PLCL2: variants seen among roughly 807,000 people sequenced by gnomAD.
PLCL2 encodes phospholipase C like 2.
Under a neutral mutation model 79.6 loss-of-function variants are expected in PLCL2, and 4 were observed. That is an observed-to-expected ratio of 0.05 (90% CI 0.02 to 0.11). The LOEUF (loss-of-function observed/expected upper bound fraction) is 0.11. Among genes scored for constraint, PLCL2 ranks in the 10% least tolerant of loss-of-function variants. The probability of loss-of-function intolerance (pLI) is 1.00; values close to 1 mark genes in which losing one functional copy is unlikely to be tolerated. For synonymous variants in PLCL2, 484 were observed against 457.7 expected, an observed-to-expected ratio of 1.06 and a Z score of -0.73; for missense variants, 895 against 1,291.0, an observed-to-expected ratio of 0.69 and a Z score of 4.70.
intron 1 of PLCL2, among the ~76,000 whole-genome samples, chr3:16,937,430 G>A (rs961862401): frequency 2.0e-5 from 3 of 152,114 alleles, no homozygotes; most frequent in African/African-American, 7.2e-5. Flanking sequence ...TCAGGCAAAG[G>A]GTAGGAATCA....
chr3:17,054,159 T>G lies in PLCL2; in HGVS notation c.3094+11210T>G, dbSNP rs374449299. Among the ~76,000 whole-genome samples, 132 of 152,246 alleles carry G rather than the reference T, an allele frequency of 8.7e-4. 5 individuals carry two copies. The South Asian group carries it at 0.015, about 17-fold the overall frequency. On this transcript the variant is annotated intron_variant, in intron 4 of 5. Coordinates refer to ENST00000615277, the MANE Select transcript of PLCL2 (RefSeq NM_001144382.2). ...GCTTAGGAATTTCTTCTGCCAGATA[T>G]CCTAAATCATCACTCTCAAGTTCAA...
intron 4 of PLCL2, among the ~76,000 whole-genome samples, chr3:17,048,714 C>T (rs186238163): frequency 6.6e-4 from 100 of 152,280 alleles, no homozygotes; most frequent in Non-Finnish European, 1.1e-3. Flanking sequence ...CTGCTTAAAA[C>T]GCTGTGTGAT....
chr3:16,981,358 C>T (rs1012482797), intron 1 of PLCL2, among the ~76,000 whole-genome samples: 4 of 152,030 alleles, frequency 2.6e-5, no homozygotes, highest in African/African-American at 7.3e-5. Flanking sequence ...TCACAACATA[C>T]GTCAAAGGTT....
chr3:17,018,383 C>T (rs183999538), intron 3 of PLCL2, among the ~76,000 whole-genome samples: 18 of 152,160 alleles, frequency 1.2e-4, no homozygotes, highest in African/African-American at 2.9e-4. Context: ...TTAAATGAGG[C>T]GTCTTTGTCC....
intron 3 of PLCL2, among the ~76,000 whole-genome samples, chr3:17,038,018 G>A (rs912207595): frequency 1.3e-5 from 2 of 152,020 alleles, no homozygotes; most frequent in Non-Finnish European, 2.9e-5. Flanking sequence ...ATAGCACTCC[G>A]ATAAAAGGCA....
Position 17,001,214 on chromosome 3 carries a change from A to G in PLCL2, c.328-8460A>G, listed in dbSNP as rs1484143895. On this transcript the variant is annotated intron_variant, in intron 1 of 5. Transcript: ENST00000615277. ...GTTGGCCATTTGTATGTATTTTTTGAAAATGTCTATTTAGATAATTTGCCC... is the reference window on the plus strand; with the variant it reads ...GTTGGCCATTTGTATGTATTTTTTGGAAATGTCTATTTAGATAATTTGCCC... 2.0e-5 allele frequency among the ~76,000 whole-genome samples: 3 copies of G among 151,946 alleles called. No homozygotes were observed. In the East Asian group the frequency reaches 5.8e-4, roughly 29 times the overall value.
At chr3:17,084,642 GTCAT>G (rs2065198159) in intron 5 of PLCL2, among the ~76,000 whole-genome samples, 1 of 152,188 alleles carries the variant, frequency 6.6e-6, no homozygotes. Flanking sequence ...ATCAACTAAT[GTCAT>G]TCATCATATC....
At chr3:16,947,565 G>A (rs2124956317) in intron 1 of PLCL2, among the ~76,000 whole-genome samples, 1 of 152,304 alleles carries the variant, frequency 6.6e-6, no homozygotes, top group South Asian at 2.1e-4. Context: ...GGGTGGAAGT[G>A]TTTTAGAAAC....
At chr3:16,912,974 C>A (rs1575525593) in intron 1 of PLCL2, among the ~76,000 whole-genome samples, 1 of 152,146 alleles carries the variant, frequency 6.6e-6, no homozygotes, top group South Asian at 2.1e-4. Flanking sequence ...AATTAACCTC[C>A]CTTCCTTCTG....
At chr3:17,081,928 A>T (rs1184112193) in intron 5 of PLCL2, among the ~76,000 whole-genome samples, 1 of 152,224 alleles carries the variant, frequency 6.6e-6, no homozygotes, top group Non-Finnish European at 1.5e-5. Context: ...AGAATAAGTT[A>T]AAAAAATTCA....
At chr3:16,987,208 C>T (rs1055274293) in intron 1 of PLCL2, among the ~76,000 whole-genome samples, 5 of 152,066 alleles carry the variant, frequency 3.3e-5, no homozygotes, top group African/African-American at 1.2e-4. Flanking sequence ...CAGAGCCAGA[C>T]GTGGACCCAG....
chr3:16,896,636 G>A (rs1030681691), intron 1 of PLCL2, among the ~76,000 whole-genome samples: 5 of 152,218 alleles, frequency 3.3e-5, no homozygotes, highest in African/African-American at 7.2e-5. Flanking sequence ...CTCAAAAGCA[G>A]TTAACAGAGC....
Position 16,900,422 on chromosome 3 carries a change from TTTG to T in PLCL2, c.327+15057_327+15059del, listed in dbSNP as rs1696591317. On this transcript the variant is annotated intron_variant, in intron 1 of 5. Coordinates refer to ENST00000615277, the MANE Select transcript of PLCL2 (RefSeq NM_001144382.2). ...TATAAACTTTATATCTAGCATGCAT[TTTG>T]ACTTTTAAGAAAATCAGTTAAACTC... 2.0e-5 allele frequency among the ~76,000 whole-genome samples: 3 copies of T among 152,314 alleles called. No individual in the cohort carries two copies. The South Asian group carries it at 6.2e-4, about 32-fold the overall frequency.
intron 1 of PLCL2, among the ~76,000 whole-genome samples, chr3:16,942,008 A>G (rs1038081462): frequency 6.6e-6 from 1 of 152,250 alleles, no homozygotes; most frequent in Non-Finnish European, 1.5e-5. Context: ...AGCTTTAGTC[A>G]ATAAAAACTT....
intron 1 of PLCL2, among the ~76,000 whole-genome samples, chr3:16,925,917 T>A (rs1697237674): frequency 6.6e-6 from 1 of 152,220 alleles, no homozygotes; most frequent in Admixed American, 6.5e-5. Context: ...GGTTCTATGG[T>A]AACTCTATAT....
rs754898264 is a variant in PLCL2 at position 17,010,573 on chromosome 3, T to A, written c.1227T>A (p.Leu409=). The A allele has an allele frequency of 2.0e-5, 33 of 1,614,172 alleles. No individual in the cohort carries two copies. Among genetic ancestry groups the A allele is most frequent in the Non-Finnish European group, 2.6e-5 (31 of 1,180,020 alleles). The change falls in exon 2 of 6, where the codon CTT becomes CTA. Residue 409 remains leucine, a synonymous_variant. Transcript: ENST00000615277. The surrounding 1 kb of genome is among the most constrained non-coding windows in gnomAD (Gnocchi z 5.8). ...WLSIDGFTNY[L]MSPDCYIFDP... is the part of the protein sequence containing the mutation. ...CCATAGACGGGTTCACTAATTACCT[T>A]ATGTCACCTGACTGTTATATATTCG...
chr3:16,952,628 G>A (rs573589598), intron 1 of PLCL2, among the ~76,000 whole-genome samples: 2 of 152,056 alleles, frequency 1.3e-5, no homozygotes, highest in East Asian at 3.9e-4. Context: ...ATACAAATTT[G>A]TATATAGTAT....
At chr3:17,028,357 G>A (rs1215305461) in intron 3 of PLCL2, among the ~76,000 whole-genome samples, 2 of 152,156 alleles carry the variant, frequency 1.3e-5, no homozygotes, top group Non-Finnish European at 2.9e-5. Flanking sequence ...CCCACCTGAG[G>A]AATGGGAAAG....
At chr3:17,058,576 C>G (rs73151357) in intron 4 of PLCL2, among the ~76,000 whole-genome samples, 2 of 151,962 alleles carry the variant, frequency 1.3e-5, no homozygotes, top group African/African-American at 4.8e-5. Context: ...AAGTTTGATA[C>G]GCCTAGTTCA....
Sources: allele counts gnomAD v4.1 joint callset (sites outside exome capture counted in the v4.1 genomes callset), GRCh38; gene constraint gnomAD v4.1.1; non-coding constraint Gnocchi (gnomAD v3.1); transcripts MANE v1.5; gene names NCBI Gene and HGNC (gene_info 2026-07-23, HGNC 2026-07-21).